The following PCDHGB6 variants were observed in gnomAD, a reference collection of about 807,000 sequenced individuals.
The protein encoded by PCDHGB6 is protocadherin gamma-B6.
Under a neutral mutation model 59.1 loss-of-function variants are expected in PCDHGB6, and 51 were observed. That is an observed-to-expected ratio of 0.86 (90% CI 0.69 to 1.09). PCDHGB6 has a LOEUF of 1.09. Among genes scored for constraint, PCDHGB6 ranks in the 50% least tolerant of loss-of-function variants. The probability of loss-of-function intolerance (pLI) is 0.00; values close to 1 mark genes in which losing one functional copy is unlikely to be tolerated. For missense variants in PCDHGB6, 1,148 were observed against 1,205.1 expected (o/e 0.95, Z 0.70); for synonymous variants, 466 against 495.1 (o/e 0.94, Z 0.78).
chr5:141,423,906 G>A (rs2096789586), intron 1 of PCDHGB6: 17 of 1,272,396 alleles, frequency 1.3e-5, no homozygotes, highest in Non-Finnish European at 1.7e-5. Context: ...ATTTCAAAGG[G>A]GCCATTCAAC....
chr5:141,421,243 C>A (rs201273667), intron 1 of PCDHGB6: 1 of 1,601,658 alleles, frequency 6.2e-7, no homozygotes. Flanking sequence ...GAATCGGCTA[C>A]AGCGCGGGGA....
intron 3 of PCDHGB6, among the ~76,000 whole-genome samples, chr5:141,509,791 C>T (rs2099878284): frequency 6.6e-6 from 1 of 152,164 alleles, no homozygotes; most frequent in Non-Finnish European, 1.5e-5. Flanking sequence ...TCATCATCTC[C>T]TCAGCTTCAT....
chr5:141,420,246 T>C (rs1216078492), intron 1 of PCDHGB6: 3 of 1,583,234 alleles, frequency 1.9e-6, no homozygotes, highest in African/African-American at 2.7e-5. Context: ...ACTCCCAGCG[T>C]TGAAGCAGAT....
chr5:141,499,634 C>A (rs1194596079), intron 2 of PCDHGB6, among the ~76,000 whole-genome samples: 1 of 151,220 alleles, frequency 6.6e-6, no homozygotes, highest in Non-Finnish European at 1.5e-5. Flanking sequence ...TCTTTTGAAG[C>A]AAATCTCAGA....
In PCDHGB6 at chr5:141,512,874, C is replaced by G. The variant is rs2099884476; in HGVS notation, c.*1701C>G. The G allele has an allele frequency of 6.6e-6, 1 of 152,246 alleles. No homozygotes were observed. Among genetic ancestry groups the G allele is most frequent in the Non-Finnish European group, 1.5e-5 (1 of 68,062 alleles). 9.4% of individuals were successfully genotyped at this position (152,246 alleles called of 1,614,324 possible). ...CTTCTCTTCGCATAGTCACGTAGCT[C>G]CCACCCCACCCTCTTCCTGTGTCTC... On this transcript the variant is annotated 3_prime_UTR_variant, in exon 4 of 4. Transcript: ENST00000520790.
At chr5:141,475,103 G>A (rs771784343) in intron 1 of PCDHGB6, among the ~76,000 whole-genome samples, 1 of 152,176 alleles carries the variant, frequency 6.6e-6, no homozygotes, top group Non-Finnish European at 1.5e-5. Flanking sequence ...AAGATCCTAG[G>A]TGGTAAATAG....
At chr5:141,428,088 C>G (rs761980796) in intron 1 of PCDHGB6, 5 of 1,608,920 alleles carry the variant, frequency 3.1e-6, no homozygotes, top group Non-Finnish European at 4.2e-6. Context: ...CAACGCTTGG[C>G]TGTCCTACCA....
At chr5:141,420,006 G>C (rs2096458103) in intron 1 of PCDHGB6, 2 of 1,613,934 alleles carry the variant, frequency 1.2e-6, no homozygotes, top group Admixed American at 3.3e-5. Flanking sequence ...CTACGCCTGC[G>C]ACAGTCTTTC....
In PCDHGB6 at chr5:141,476,653, C is replaced by T; in HGVS notation, c.2419-18154C>T. ...CCTATGAGCTGAGCCGAAATGAATA[C>T]TTTGCGCTTCGCGTGCAGACGCGGG... is the stretch of plus-strand genomic sequence containing the variant. On this transcript the variant is annotated intron_variant, in intron 1 of 3. Transcript: ENST00000520790. The surrounding 1 kb of genome is among the most constrained non-coding windows in gnomAD (Gnocchi z 7.6). 6.2e-7 allele frequency: 1 copy of T among 1,614,270 alleles called. No individual in the cohort carries two copies. The highest frequency in any genetic ancestry group is 8.5e-7 in the Non-Finnish European group (1 of 1,180,058).
intron 1 of PCDHGB6, among the ~76,000 whole-genome samples, chr5:141,451,284 G>C (rs950768919): frequency 2.6e-5 from 4 of 152,186 alleles, no homozygotes; most frequent in African/African-American, 9.7e-5. Flanking sequence ...GAGTGCCTCT[G>C]CCTCAAAGTC....
chr5:141,473,974 C>T (rs958240236), intron 1 of PCDHGB6, among the ~76,000 whole-genome samples: 12 of 152,172 alleles, frequency 7.9e-5, no homozygotes, highest in Admixed American at 1.3e-4. Flanking sequence ...AAGTCTGAGG[C>T]GGGAGGATCC....
At chr5:141,506,682 C>T (rs1333272766) in intron 3 of PCDHGB6, among the ~76,000 whole-genome samples, 4 of 152,192 alleles carry the variant, frequency 2.6e-5, no homozygotes, top group African/African-American at 9.6e-5. Context: ...ATATTATTAT[C>T]TTTGCTGACC....
chr5:141,432,918 A>C lies in PCDHGB6; in HGVS notation c.2418+22298A>C. ...CTGGCGCTCAGGCTGCGGCGCTGGC[A>C]CAAGTCACGCCTGCTGCAGGCTTCA... On this transcript the variant is annotated intron_variant, in intron 1 of 3. Coordinates refer to ENST00000520790, the MANE Select transcript of PCDHGB6 (RefSeq NM_018926.3). This position sits in a 1 kb window ranked among gnomAD's most constrained non-coding sequence, Gnocchi z 6.0. 1 of 1,614,128 alleles carries C rather than the reference A, an allele frequency of 6.2e-7. No homozygotes were observed. Among genetic ancestry groups the C allele is most frequent in the South Asian group, 1.1e-5 (1 of 91,082 alleles).
At position 141,409,138 on chromosome 5, in the gene PCDHGB6, A is replaced by G. The variant is rs2095229593; in HGVS notation, c.936A>G (p.Val312=). ...KNNQSFDFED[V]ERYTMEVEAK... The stretch of plus-strand genomic sequence containing the variant: ...ACCAGTCATTTGATTTTGAAGATGT[A>G]GAAAGGTACACCATGGAAGTGGAAG... Residue 312 remains valine (V), a synonymous_variant, in exon 1 of 4, where the codon GTA becomes GTG. Transcript: ENST00000520790. 2 of 1,614,046 alleles carry G rather than the reference A, an allele frequency of 1.2e-6. No homozygotes were observed. Among genetic ancestry groups the G allele is most frequent in the Non-Finnish European group, 1.7e-6 (2 of 1,179,886 alleles).
In PCDHGB6 at chr5:141,489,153, G is replaced by C; in HGVS notation, c.2419-5654G>C. Reference sequence around the variant, plus strand: ...TTTAAGAGGCTGGAAGGAGACATAAGAGACTTCAGCTGCTGCATTCCAAGC... The same window carrying C: ...TTTAAGAGGCTGGAAGGAGACATAACAGACTTCAGCTGCTGCATTCCAAGC... On this transcript the variant is annotated intron_variant, in intron 1 of 3. Coordinates refer to ENST00000520790, the MANE Select transcript of PCDHGB6 (RefSeq NM_018926.3). This position sits in a 1 kb window ranked among gnomAD's most constrained non-coding sequence, Gnocchi z 4.5. 1 of 935,832 alleles carries C rather than the reference G, an allele frequency of 1.1e-6. No individual in the cohort carries two copies. Among genetic ancestry groups the C allele is most frequent in the Non-Finnish European group, 1.6e-6 (1 of 627,178 alleles). The allele number at this position is 935,832 out of a possible 1,614,324, so 58.0% of individuals were successfully genotyped here.
chr5:141,482,998 T>C (rs1458221945), intron 1 of PCDHGB6, among the ~76,000 whole-genome samples: 1 of 152,008 alleles, frequency 6.6e-6, no homozygotes, highest in Non-Finnish European at 1.5e-5. Flanking sequence ...GGCAGGAGAA[T>C]TGCTTGAACC....
Position 141,408,894 on chromosome 5 carries a change from C to T in PCDHGB6, c.692C>T (p.Ser231Phe), listed in dbSNP as rs778126197. 71 of 1,613,186 alleles carry T rather than the reference C, an allele frequency of 4.4e-5. No homozygotes were observed. The Middle Eastern group carries it at 4.9e-4, about 11-fold the overall frequency. ...PRSATAHIEI[S>F]VKDTNDNPPV... ...AGTGCCACCGCTCACATAGAAATTT[C>T]TGTCAAGGATACCAATGATAACCCC... Residue 231 changes from serine (S) to phenylalanine (F), a missense_variant, in exon 1 of 4, where the codon TCT becomes TTT. Ser to Phe is a radical substitution (Grantham distance 155). Transcript: ENST00000520790.
At chr5:141,412,935 G>T in intron 1 of PCDHGB6, 1 of 453,864 alleles carries the variant, frequency 2.2e-6, no homozygotes, top group East Asian at 3.4e-5. Flanking sequence ...AACTTCTTAG[G>T]ACTCTGAGCG....
intron 1 of PCDHGB6, chr5:141,413,604 C>T: frequency 5.6e-6 from 9 of 1,613,818 alleles, no homozygotes; most frequent in Non-Finnish European, 7.6e-6. Flanking sequence ...AAAATCTAGA[C>T]GTAAAAATTA....
Sources: allele counts gnomAD v4.1 joint callset (sites outside exome capture counted in the v4.1 genomes callset), GRCh38; gene constraint gnomAD v4.1.1; non-coding constraint Gnocchi (gnomAD v3.1); transcripts MANE v1.5; gene names NCBI Gene and HGNC (gene_info 2026-07-23, HGNC 2026-07-21).